Variants in NCKAP1 observed in about 807,000 individuals in gnomAD.
The protein encoded by NCKAP1 is nck-associated protein 1.
In NCKAP1, 21 loss-of-function variants were observed where a neutral mutation model predicts 151.2. The ratio of observed to expected loss-of-function variants is 0.14; its 90% CI spans 0.10 to 0.20. NCKAP1 has a LOEUF of 0.20. Ranked by LOEUF, NCKAP1 falls within the 10% of genes least tolerant of loss-of-function variation. NCKAP1 has a pLI of 1.00. For synonymous variants in NCKAP1, 484 were observed against 451.8 expected, an observed-to-expected ratio of 1.07 and a Z score of -0.90; for missense variants, 933 against 1,352.1, an observed-to-expected ratio of 0.69 and a Z score of 4.86.
At chr2:182,992,724 T>C (rs1020113438) in intron 8 of NCKAP1, among the ~76,000 whole-genome samples, 2 of 152,174 alleles carry the variant, frequency 1.3e-5, no homozygotes, top group African/African-American at 4.8e-5. Context: ...CCAGATAGTA[T>C]TGTTAAATTT....
intron 1 of NCKAP1, among the ~76,000 whole-genome samples, chr2:183,032,637 T>C (rs79457102): frequency 0.016 from 2,423 of 152,186 alleles, 67 homozygotes; most frequent in African/African-American, 0.055. Context: ...CAGTCCATCA[T>C]TTCAGTGTTA....
chr2:182,969,633 G>C (rs1697645493), intron 15 of NCKAP1, among the ~76,000 whole-genome samples: 1 of 148,294 alleles, frequency 6.7e-6, no homozygotes, highest in Admixed American at 6.7e-5. Flanking sequence ...AAAACCTATG[G>C]GATACAGCAA....
intron 14 of NCKAP1, among the ~76,000 whole-genome samples, chr2:182,977,480 A>G (rs544446402): frequency 6.6e-5 from 10 of 152,296 alleles, no homozygotes; most frequent in Non-Finnish European, 1.2e-4. Flanking sequence ...ACAGAGCGGG[A>G]CTGGGTCTCA....
Position 182,912,252 on chromosome 2 carries a change from C to T in NCKAP1, c.*13450G>A, listed in dbSNP as rs944381258. On this transcript the variant is annotated 3_prime_UTR_variant, in exon 31 of 31. Transcript: ENST00000361354. Reference sequence around the variant, plus strand: ...CTTTAAGGCAACATGTTGCCCATTACGTATTAATAAACTGGATTCAACAAA... The same window carrying T: ...CTTTAAGGCAACATGTTGCCCATTATGTATTAATAAACTGGATTCAACAAA... 4 of 152,102 alleles carry T rather than the reference C, an allele frequency of 2.6e-5. No individual in the cohort carries two copies. Among genetic ancestry groups the T allele is most frequent in the Non-Finnish European group, 5.9e-5 (4 of 68,012 alleles). 9.4% of individuals were successfully genotyped at this position (152,102 alleles called of 1,614,324 possible).
At chr2:182,929,709 T>C (rs954789007) in intron 27 of NCKAP1, among the ~76,000 whole-genome samples, 1 of 151,004 alleles carries the variant, frequency 6.6e-6, no homozygotes, top group Admixed American at 6.6e-5. Context: ...ATTATCCATG[T>C]GACTAAATGT....
At chr2:182,993,469 G>A (rs1698207582) in intron 8 of NCKAP1, among the ~76,000 whole-genome samples, 1 of 152,120 alleles carries the variant, frequency 6.6e-6, no homozygotes, top group Non-Finnish European at 1.5e-5. Context: ...CTAGGGGTGA[G>A]TAGGAGGAAT....
intron 15 of NCKAP1, among the ~76,000 whole-genome samples, chr2:182,970,512 C>A (rs1185903121): frequency 6.6e-6 from 1 of 152,122 alleles, no homozygotes; most frequent in South Asian, 2.1e-4. Flanking sequence ...AATTCAACAT[C>A]TCTTCATAAT....
chr2:183,024,194 A>G (rs1454008566), intron 1 of NCKAP1, among the ~76,000 whole-genome samples: 2 of 152,130 alleles, frequency 1.3e-5, no homozygotes, highest in Non-Finnish European at 2.9e-5. Context: ...AGAAAAAGAA[A>G]AAAAATTCTT....
chr2:183,034,210 A>G (rs565563104), intron 1 of NCKAP1, among the ~76,000 whole-genome samples: 1 of 152,274 alleles, frequency 6.6e-6, no homozygotes, highest in East Asian at 1.9e-4. Context: ...AAGACTTTCA[A>G]TTTTACAATG....
At chr2:182,974,790 A>G (rs922209434) in intron 15 of NCKAP1, among the ~76,000 whole-genome samples, 2 of 152,164 alleles carry the variant, frequency 1.3e-5, no homozygotes, top group African/African-American at 4.8e-5. Flanking sequence ...TGGCAGCCCT[A>G]GGAAACTAAC....
chr2:182,924,705 GTATT>G lies in NCKAP1; in HGVS notation c.*993_*996del, dbSNP rs1410997525. 1.3e-5 allele frequency: 2 copies of G among 151,644 alleles called. No individual in the cohort carries two copies. The highest frequency in any genetic ancestry group is 4.8e-5 in the African/African-American group (2 of 41,266). The allele number at this position is 151,644 out of a possible 1,614,324, so 9.4% of individuals were successfully genotyped here. ...TGTGTAATTTTATTTTCTAATTTTGGTATTTTTTTCAATAAAATGTTTTTTAAAA... is the reference window on the plus strand; with the variant it reads ...TGTGTAATTTTATTTTCTAATTTTGGTTTTTCAATAAAATGTTTTTTAAAA... On this transcript the variant is annotated 3_prime_UTR_variant, in exon 31 of 31. Coordinates refer to ENST00000361354, the MANE Select transcript of NCKAP1 (RefSeq NM_013436.5).
At position 182,923,676 on chromosome 2, in the gene NCKAP1, T is replaced by C. The variant is rs1696586928; in HGVS notation, c.*2026A>G. ...TAAGCAGATTACAGGCCAGTATGTATGGTATGATCACATTAATGTAGAGAA... is the reference window on the plus strand; with the variant it reads ...TAAGCAGATTACAGGCCAGTATGTACGGTATGATCACATTAATGTAGAGAA... On this transcript the variant is annotated 3_prime_UTR_variant, in exon 31 of 31. Coordinates refer to ENST00000361354, the MANE Select transcript of NCKAP1 (RefSeq NM_013436.5). 2.6e-5 allele frequency: 4 copies of C among 152,222 alleles called. No homozygotes were observed. The highest frequency in any genetic ancestry group is 1.9e-4 in the East Asian group (1 of 5,208). The allele number at this position is 152,222 out of a possible 1,614,324, so 9.4% of individuals were successfully genotyped here.
chr2:182,944,201 A>T (rs1697053145), intron 23 of NCKAP1, among the ~76,000 whole-genome samples: 2 of 152,328 alleles, frequency 1.3e-5, no homozygotes, highest in Admixed American at 1.3e-4. Context: ...GAATAAACTG[A>T]AAGCTGGCAG....
At chr2:182,998,249 G>A (rs1043022195) in intron 6 of NCKAP1, among the ~76,000 whole-genome samples, 7 of 152,042 alleles carry the variant, frequency 4.6e-5, no homozygotes, top group African/African-American at 1.7e-4. Context: ...AAGCTTTCCC[G>A]TAAGAACTGG....
chr2:182,977,823 A>G (rs1697857094), intron 14 of NCKAP1, among the ~76,000 whole-genome samples: 1 of 152,214 alleles, frequency 6.6e-6, no homozygotes, highest in Non-Finnish European at 1.5e-5. Context: ...CTACTGAACT[A>G]TACACTCAAA....
chr2:183,002,898 C>A (rs1698400741), intron 4 of NCKAP1, 76 bp downstream of exon 4: 1 of 1,053,650 alleles, frequency 9.5e-7, no homozygotes, highest in African/African-American at 1.6e-5. Flanking sequence ...CATAATCTAG[C>A]TAAAGAAAAG....
At chr2:182,976,625 T>C (rs1021414959) in intron 15 of NCKAP1, among the ~76,000 whole-genome samples, 7 of 152,186 alleles carry the variant, frequency 4.6e-5, no homozygotes, top group Non-Finnish European at 1.0e-4. Flanking sequence ...AATTAAATAT[T>C]TGAATCAGGA....
At chr2:183,034,053 G>A (rs1699055729) in intron 1 of NCKAP1, among the ~76,000 whole-genome samples, 2 of 152,080 alleles carry the variant, frequency 1.3e-5, no homozygotes, top group African/African-American at 4.8e-5. Context: ...TTCTGCATCT[G>A]ATTGACCAAA....
At chr2:182,944,757 T>C (rs1049265645) in intron 23 of NCKAP1, among the ~76,000 whole-genome samples, 5 of 152,176 alleles carry the variant, frequency 3.3e-5, no homozygotes, top group African/African-American at 1.2e-4. Context: ...TTGAATCAAA[T>C]GATACTTAGT....
Sources: gnomAD v4.1 joint callset for allele counts (sites outside exome capture counted in the v4.1 genomes callset) on GRCh38, gnomAD v4.1.1 for gene constraint, MANE v1.5 for transcripts, NCBI Gene and HGNC (gene_info 2026-07-23, HGNC 2026-07-21) for gene names.